Variants in OCM observed in about 807,000 individuals in gnomAD.
OCM encodes oncomodulin-1.
A neutral mutation model predicts 14.1 loss-of-function variants in OCM; 18 were observed. The observed-to-expected ratio is 1.28, with a 90% CI of 0.88 to 1.89. The LOEUF (loss-of-function observed/expected upper bound fraction) is 1.89, where lower values mean the gene tolerates loss of function less well. OCM is among the 40% of genes most tolerant of loss of function. The probability of loss-of-function intolerance (pLI) is 0.00; values close to 1 mark genes in which losing one functional copy is unlikely to be tolerated. For missense variants in OCM, 140 were observed against 137.6 expected, an observed-to-expected ratio of 1.02 and a Z score of -0.09; for synonymous variants, 48 against 51.0, an observed-to-expected ratio of 0.94 and a Z score of 0.25.
chr7:5,872,490 C>T, the OCM span, among the ~76,000 whole-genome samples: 112 of 152,154 alleles, frequency 7.4e-4, no homozygotes, highest in African/African-American at 2.6e-3. Flanking sequence ...GATCCCACCC[C>T]ATCCCCCACG....
At chr7:5,881,749 T>C (rs1476850632) in intron 1 of OCM, among the ~76,000 whole-genome samples, 2 of 152,092 alleles carry the variant, frequency 1.3e-5, no homozygotes, top group African/African-American at 2.4e-5. Flanking sequence ...AGCACACGAT[T>C]ACACATCTGT....
At chr7:5,878,232 G>A (rs1170402145), upstream of OCM, among the ~76,000 whole-genome samples, 1 of 151,300 alleles carries the variant, frequency 6.6e-6, no homozygotes, top group East Asian at 2.0e-4. Flanking sequence ...CAAAGTGCTG[G>A]GATTACAGGC....
the OCM span, among the ~76,000 whole-genome samples, chr7:5,861,813 A>G: frequency 3.3e-5 from 5 of 152,040 alleles, no homozygotes; most frequent in Admixed American, 3.3e-4. Flanking sequence ...CCCTGGGCTC[A>G]AGTGATCCTA....
At chr7:5,860,682 G>C in the OCM span, among the ~76,000 whole-genome samples, 3 of 95,404 alleles carry the variant, frequency 3.1e-5, 1 homozygote, top group African/African-American at 1.0e-4. Context: ...GTATATATAC[G>C]TGTGTATATA....
At chr7:5,870,855 ATGAAATTCTTGTAAATATCACGCTAAT>A in the OCM span, among the ~76,000 whole-genome samples, 1 of 151,942 alleles carries the variant, frequency 6.6e-6, no homozygotes. Context: ...CAACTACCAC[ATGAAATTCTTGTAAATATCACGCTAAT>A]TGATGAGTAT....
upstream of OCM, among the ~76,000 whole-genome samples, chr7:5,876,068 G>A (rs1781088773): frequency 6.6e-6 from 1 of 152,010 alleles, no homozygotes; most frequent in African/African-American, 2.4e-5. Context: ...GCAGTGGCAT[G>A]ATCTCAGCTC....
chr7:5,863,349 A>T, the OCM span, among the ~76,000 whole-genome samples: 1 of 152,060 alleles, frequency 6.6e-6, no homozygotes, highest in East Asian at 1.9e-4. Context: ...ATGGGGACTC[A>T]TGACTCATTC....
upstream of OCM, among the ~76,000 whole-genome samples, chr7:5,878,038 T>G (rs2128606034): frequency 6.7e-6 from 1 of 150,306 alleles, no homozygotes; most frequent in Non-Finnish European, 1.5e-5. Context: ...TGACGTGATC[T>G]CGGCTCACTG....
the OCM span, among the ~76,000 whole-genome samples, chr7:5,870,248 C>G: frequency 1.3e-5 from 2 of 152,050 alleles, no homozygotes; most frequent in South Asian, 4.1e-4. Context: ...ATAGCTGGGA[C>G]CACAGGCTCG....
chr7:5,860,553 G>A, the OCM span, among the ~76,000 whole-genome samples: 34 of 93,182 alleles, frequency 3.6e-4, 4 homozygotes, highest in South Asian at 6.8e-3. Context: ...GTATATATAC[G>A]TGTATATATA....
At chr7:5,867,961 C>T in the OCM span, among the ~76,000 whole-genome samples, 1 of 152,008 alleles carries the variant, frequency 6.6e-6, no homozygotes, top group Non-Finnish European at 1.5e-5. Flanking sequence ...TGGTCTCAAA[C>T]TCCTGAGCTC....
the OCM span, among the ~76,000 whole-genome samples, chr7:5,870,874 CA>C: frequency 6.7e-6 from 1 of 150,046 alleles, no homozygotes; most frequent in Admixed American, 6.7e-5. Context: ...TTGTAAATAT[CA>C]CGCTAATTGA....
At chr7:5,859,744 C>T in the OCM span, among the ~76,000 whole-genome samples, 1 of 152,158 alleles carries the variant, frequency 6.6e-6, no homozygotes, top group African/African-American at 2.4e-5. Flanking sequence ...GTTGTCCAGG[C>T]TGGAGTGCAA....
chr7:5,866,686 G>A, the OCM span, among the ~76,000 whole-genome samples: 3 of 152,082 alleles, frequency 2.0e-5, no homozygotes, highest in African/African-American at 7.2e-5. Context: ...AAACCATTTG[G>A]GTGAATTTCT....
chr7:5,884,570 C>A (rs1187626531), intron 3 of OCM, among the ~76,000 whole-genome samples: 1 of 152,118 alleles, frequency 6.6e-6, no homozygotes, highest in Non-Finnish European at 1.5e-5. Context: ...TACACTAGCA[C>A]AGCTGTAGGA....
chr7:5,865,861 C>T, the OCM span, among the ~76,000 whole-genome samples: 1 of 152,002 alleles, frequency 6.6e-6, no homozygotes, highest in Non-Finnish European at 1.5e-5. Context: ...TATTCATTTT[C>T]GGAAAAGAAA....
chr7:5,875,621 C>T (rs550000969), upstream of OCM, among the ~76,000 whole-genome samples: 1 of 151,832 alleles, frequency 6.6e-6, no homozygotes, highest in Admixed American at 6.6e-5. Context: ...TCTCTGGTAT[C>T]TTTATTTTCT....
the OCM span, among the ~76,000 whole-genome samples, chr7:5,869,018 G>A: frequency 1.2e-4 from 19 of 152,052 alleles, no homozygotes; most frequent in South Asian, 1.7e-3. Context: ...AGCTGAGATC[G>A]CGCCATTGTA....
chr7:5,872,683 C>T, the OCM span, among the ~76,000 whole-genome samples: 293 of 152,096 alleles, frequency 1.9e-3, 1 homozygote, highest in African/African-American at 6.8e-3. Context: ...GCAGCATGCG[C>T]GTTAAGAGTC....
Sources: gnomAD v4.1 joint callset for allele counts (sites outside exome capture counted in the v4.1 genomes callset) on GRCh38, gnomAD v4.1.1 for gene constraint, MANE v1.5 for transcripts, NCBI Gene and HGNC (gene_info 2026-07-23, HGNC 2026-07-21) for gene names.